Variants in CD3G observed in about 807,000 individuals in gnomAD.
CD3G encodes the protein T-cell surface glycoprotein CD3 gamma chain.
Under a neutral mutation model 28.3 loss-of-function variants are expected in CD3G, and 24 were observed. The observed-to-expected ratio is 0.85, with a 90% confidence interval of 0.61 to 1.19. The LOEUF is 1.19. CD3G is among the 50% of genes most tolerant of loss of function. The pLI is 0.00. For synonymous variants in CD3G, 71 were observed against 75.9 expected (o/e 0.93, Z 0.34); for missense variants, 211 against 210.0 (o/e 1.00, Z -0.03).
chr11:118,349,130 G>T (rs1948382733), intron 2 of CD3G, 80 bp downstream of exon 2: 1 of 1,613,474 alleles, frequency 6.2e-7, no homozygotes, highest in East Asian at 2.2e-5. Context: ...AGTCCTACAG[G>T]AGCGAACAGT....
intron 1 of CD3G, among the ~76,000 whole-genome samples, chr11:118,346,408 G>A (rs1948356521): frequency 6.6e-6 from 1 of 151,968 alleles, no homozygotes; most frequent in Admixed American, 6.6e-5. Flanking sequence ...CTGCACTCCA[G>A]CCTGGGCGAC....
At position 118,351,628 on chromosome 11, in the gene CD3G, C is replaced by T. The variant is rs776226335; in HGVS notation, c.440C>T (p.Ala147Val). 6.2e-7 allele frequency: 1 copy of T among 1,613,838 alleles called. No homozygotes were observed. Among genetic ancestry groups the T allele is most frequent in the Non-Finnish European group, 8.5e-7 (1 of 1,179,898 alleles). ...TGGATTCTGTTTCTTTTTTGTGCAG[C>T]TTCAGACAAGCAGACTCTGTTGCCC... is the stretch of plus-strand genomic sequence containing the variant. ...AGQDGVRQSR[A>V]SDKQTLLPND... The change falls in exon 5 of 7, where the codon GCT (alanine) becomes GTT (valine). Residue 147 changes from alanine to valine, a missense_variant and splice_region_variant. Transcript: ENST00000532917.
At chr11:118,348,771 C>T (rs887937569) in intron 1 of CD3G, among the ~76,000 whole-genome samples, 1 of 152,204 alleles carries the variant, frequency 6.6e-6, no homozygotes, top group Non-Finnish European at 1.5e-5. Flanking sequence ...CAAAGCCACT[C>T]CTGTCACTCA....
chr11:118,353,475 C>G lies in CD3G; in HGVS notation c.*375C>G, dbSNP rs552028728. The G allele has an allele frequency of 1.3e-5, 2 of 151,616 alleles. No homozygotes were observed. Among genetic ancestry groups the G allele is most frequent in the Non-Finnish European group, 2.9e-5 (2 of 67,980 alleles). 9.4% of individuals were successfully genotyped at this position (151,616 alleles called of 1,614,324 possible). ...GAAAGCTCTCCCTCCACCGCCATCC[C>G]CTGCTACCCAGTGACCCTGTTGCCC... On this transcript the variant is annotated 3_prime_UTR_variant, in exon 7 of 7. Transcript: ENST00000532917.
chr11:118,349,404 A>C, intron 2 of CD3G: 299 of 811,024 alleles, frequency 3.7e-4, no homozygotes, highest in Non-Finnish European at 4.9e-4. Context: ...AAGTGATCTC[A>C]TCATCTGGTA....
At position 118,349,727 on chromosome 11, in the gene CD3G, G is replaced by A. The variant is rs759612219; in HGVS notation, c.80-16G>A. On this transcript the variant is annotated splice_polypyrimidine_tract_variant and intron_variant, in intron 2 of 6. Transcript: ENST00000532917. ...AGGCAAGATCCTTAATAGAACCACGGCTTTTCTCATTTCAGGAAACCACTT... is the reference window on the plus strand; with the variant it reads ...AGGCAAGATCCTTAATAGAACCACGACTTTTCTCATTTCAGGAAACCACTT... 1 of 1,587,102 alleles carries A rather than the reference G, an allele frequency of 6.3e-7. No individual in the cohort carries two copies. The highest frequency in any genetic ancestry group is 2.2e-5 in the East Asian group (1 of 44,698).
rs1948392798 is a variant in CD3G at position 118,350,086 on chromosome 11, G to C, written c.307+116G>C. The C allele has an allele frequency of 3.8e-6, 3 of 792,926 alleles. No individual in the cohort carries two copies. The Admixed American group carries it at 6.1e-5, about 16-fold the overall frequency. The allele number at this position is 792,926 out of a possible 1,614,324, so 49.1% of individuals were successfully genotyped here. On this transcript the variant is annotated intron_variant, in intron 3 of 6. Transcript: ENST00000532917. The stretch of plus-strand genomic sequence containing the variant: ...ATCCTCAACAGTAATATTATCGCCT[G>C]TTCTCTTAATTTCAGCTTGCCTCTT...
chr11:118,349,831 T>C lies in CD3G; in HGVS notation c.168T>C (p.Phe56=), dbSNP rs772251464. Residue 56 remains phenylalanine (F), a synonymous_variant, in exon 3 of 7, where the codon TTT becomes TTC. Transcript: ENST00000532917. ...CAGAAGCCAAAAATATCACATGGTT[T>C]AAAGATGGGAAGATGATCGGCTTCC... The part of the protein sequence containing the change: ...CDAEAKNITW[F]KDGKMIGFLT... 1 of 1,614,088 alleles carries C rather than the reference T, an allele frequency of 6.2e-7. No individual in the cohort carries two copies. The highest frequency in any genetic ancestry group is 1.6e-4 in the Middle Eastern group (1 of 6,062).
intron 4 of CD3G, among the ~76,000 whole-genome samples, chr11:118,351,235 A>G (rs1948408000): frequency 6.7e-6 from 1 of 149,572 alleles, no homozygotes. Flanking sequence ...TACATACAGA[A>G]AAGTGAATCA....
intron 4 of CD3G, chr11:118,350,908 A>AC: frequency 7.8e-7 from 1 of 1,276,940 alleles, no homozygotes; most frequent in Non-Finnish European, 1.0e-6. Flanking sequence ...AAAAAACAAA[A>AC]ACAGGCGCAG....
chr11:118,345,000 G>A (rs1948342601), intron 1 of CD3G, among the ~76,000 whole-genome samples: 2 of 152,350 alleles, frequency 1.3e-5, no homozygotes, highest in African/African-American at 4.8e-5. Flanking sequence ...GTGCCAGACT[G>A]AGTGTACAGT....
chr11:118,348,388 AT>A (rs200385872), intron 1 of CD3G, among the ~76,000 whole-genome samples: 3,764 of 152,290 alleles, frequency 0.025, 71 homozygotes, highest in Non-Finnish European at 0.037. Flanking sequence ...TTATTAAAAA[AT>A]AAAATAAAAT....
In CD3G at chr11:118,350,557, C is replaced by T; in HGVS notation, c.313C>T (p.Gln105Ter). ...GTCTCTCCTTTTCCCTACAGTGTGT[C>T]AGAACTGCATTGAACTAAATGCAGC... ...KPLQVYYRMC[Q>*]NCIELNAATI... Residue 105 changes from glutamine (Q) to a stop codon, truncating the protein, a stop_gained, in exon 4 of 7, where the codon CAG (glutamine) becomes TAG (stop). Coordinates refer to ENST00000532917, the MANE Select transcript of CD3G (RefSeq NM_000073.3). LOFTEE classifies it high-confidence loss of function. The T allele has an allele frequency of 6.2e-7, 1 of 1,612,646 alleles. No homozygotes were observed. The highest frequency in any genetic ancestry group is 8.5e-7 in the Non-Finnish European group (1 of 1,178,700).
chr11:118,350,757 A>T, intron 4 of CD3G, 74 bp downstream of exon 4: 4 of 1,610,642 alleles, frequency 2.5e-6, no homozygotes, highest in Non-Finnish European at 3.4e-6. Flanking sequence ...TATGTACCCA[A>T]TGGAAGAGAC....
chr11:118,349,867 T>TAA lies in CD3G; in HGVS notation c.212_213dup (p.Trp72AsnfsTer40). The TAA allele has an allele frequency of 1.0e-5, 16 of 1,602,046 alleles. No homozygotes were observed. The highest frequency in any genetic ancestry group is 1.4e-5 in the Non-Finnish European group (16 of 1,170,632). On this transcript the variant is annotated frameshift_variant, in exon 3 of 7. Coordinates refer to ENST00000532917, the MANE Select transcript of CD3G (RefSeq NM_000073.3). LOFTEE classifies it high-confidence loss of function. ...AGATGATCGGCTTCCTAACTGAAGA[T>TAA]AAAAAAAAATGGAATCTGGGAAGTA...
At chr11:118,344,735 C>A (rs1051221137) in intron 1 of CD3G, among the ~76,000 whole-genome samples, 2 of 152,206 alleles carry the variant, frequency 1.3e-5, no homozygotes, top group Non-Finnish European at 2.9e-5. Flanking sequence ...CCTGTTACCG[C>A]CATCTTAGAT....
intron 3 of CD3G, 67 bp from the exon 4 acceptor site, chr11:118,350,485 C>T: frequency 8.9e-7 from 1 of 1,123,008 alleles, no homozygotes; most frequent in Non-Finnish European, 1.4e-6. Flanking sequence ...TGCAGACAGG[C>T]AGGAGAAAAC....
At chr11:118,351,980 AAAC>A (rs1948413780) in intron 5 of CD3G, among the ~76,000 whole-genome samples, 2 of 152,158 alleles carry the variant, frequency 1.3e-5, no homozygotes, top group Non-Finnish European at 2.9e-5. Context: ...TGGGAAGCCA[AAAC>A]AGGTGAATCA....
intron 3 of CD3G, chr11:118,350,326 G>A: frequency 1.7e-6 from 1 of 598,710 alleles, no homozygotes; most frequent in South Asian, 1.9e-5. Context: ...TTCTGTTCCA[G>A]ATACTTCCTG....
Sources: gnomAD v4.1 joint callset for allele counts (sites outside exome capture counted in the v4.1 genomes callset) on GRCh38, gnomAD v4.1.1 for gene constraint, MANE v1.5 for transcripts, NCBI Gene and HGNC (gene_info 2026-07-23, HGNC 2026-07-21) for gene names.